Variants in CA8 observed in about 807,000 individuals in gnomAD.
The protein encoded by CA8 is carbonic anhydrase 8 (inactive), also known as carbonic anhydrase-related protein.
A neutral mutation model predicts 41.4 loss-of-function variants in CA8; 22 were observed. The observed-to-expected ratio is 0.53, with a 90% CI of 0.38 to 0.76. The LOEUF (loss-of-function observed/expected upper bound fraction) is 0.76, where lower values mean the gene tolerates loss of function less well. Among genes scored for constraint, CA8 ranks in the 30% least tolerant of loss-of-function variants. The pLI is 0.00. For synonymous variants in CA8, 121 were observed against 130.6 expected (o/e 0.93, Z 0.50); for missense variants, 270 against 352.8 (o/e 0.77, Z 1.88).
At chr8:60,244,034 T>C (rs1166651292) in intron 3 of CA8, among the ~76,000 whole-genome samples, 2 of 152,174 alleles carry the variant, frequency 1.3e-5, no homozygotes, top group East Asian at 3.9e-4. Context: ...TATTTTAAAG[T>C]TAGCATTTAA....
At chr8:60,273,279 G>A (rs1201667825) in intron 2 of CA8, among the ~76,000 whole-genome samples, 1 of 152,238 alleles carries the variant, frequency 6.6e-6, no homozygotes, top group East Asian at 1.9e-4. Flanking sequence ...TATGTCCAGA[G>A]ACTTAAAGAG....
intron 2 of CA8, among the ~76,000 whole-genome samples, chr8:60,273,189 A>G (rs1275896387): frequency 6.6e-6 from 1 of 152,262 alleles, no homozygotes; most frequent in Non-Finnish European, 1.5e-5. Flanking sequence ...AAGAACTAAG[A>G]ATGTCTGAAA....
At chr8:60,208,104 T>C (rs1386697351) in intron 8 of CA8, 1 of 152,388 alleles carries the variant, frequency 6.6e-6, no homozygotes, top group Non-Finnish European at 1.5e-5. Context: ...TCTTCCGTGT[T>C]TGTGATATTT....
At chr8:60,196,365 T>C (rs1056104090) in intron 8 of CA8, among the ~76,000 whole-genome samples, 2 of 152,172 alleles carry the variant, frequency 1.3e-5, no homozygotes, top group Non-Finnish European at 2.9e-5. Context: ...ACTCTTACTA[T>C]ATCCACTTCA....
At chr8:60,250,248 T>C (rs960645649) in intron 3 of CA8, among the ~76,000 whole-genome samples, 3 of 152,068 alleles carry the variant, frequency 2.0e-5, no homozygotes, top group African/African-American at 7.3e-5. Context: ...CTCTGACCTC[T>C]CTTCTGAGTT....
In CA8 at chr8:60,192,894, T is replaced by C. The variant is rs1329182280; in HGVS notation, c.*36-2909A>G. On this transcript the variant is annotated intron_variant, in intron 8 of 8. Coordinates refer to ENST00000317995, the MANE Select transcript of CA8 (RefSeq NM_004056.6). Reference sequence around the variant, plus strand: ...CAGTATTATGTATAAATTTTTCCTATGGAGAATGAAGATTTGACCCTCTTT... The same window carrying C: ...CAGTATTATGTATAAATTTTTCCTACGGAGAATGAAGATTTGACCCTCTTT... Among the ~76,000 whole-genome samples, 9 of 151,080 alleles carry C rather than the reference T, an allele frequency of 6.0e-5. No homozygotes were observed. The Admixed American group carries it at 6.0e-4, about 10-fold the overall frequency.
intron 2 of CA8, among the ~76,000 whole-genome samples, chr8:60,272,752 C>T (rs1585934267): frequency 6.6e-6 from 1 of 152,344 alleles, no homozygotes; most frequent in Middle Eastern, 3.4e-3. Flanking sequence ...TTGTATCCTC[C>T]TTGAGGGCAG....
intron 8 of CA8, among the ~76,000 whole-genome samples, chr8:60,202,937 C>A (rs1047828083): frequency 2.0e-5 from 3 of 152,116 alleles, no homozygotes; most frequent in African/African-American, 7.2e-5. Context: ...AAGTATGTTA[C>A]AAACTTGTTT....
intron 3 of CA8, among the ~76,000 whole-genome samples, chr8:60,257,271 G>C (rs992153124): frequency 2.6e-5 from 4 of 152,008 alleles, no homozygotes; most frequent in African/African-American, 9.7e-5. Context: ...AGCCACTGGC[G>C]CCCAATCCAA....
intron 3 of CA8, among the ~76,000 whole-genome samples, chr8:60,243,111 G>A (rs1187139132): frequency 2.0e-5 from 3 of 152,174 alleles, no homozygotes; most frequent in Admixed American, 6.5e-5. Flanking sequence ...ACGAAATACA[G>A]TGCCAGCTGG....
intron 4 of CA8, among the ~76,000 whole-genome samples, chr8:60,230,014 G>T (rs1256872281): frequency 2.0e-5 from 3 of 152,198 alleles, no homozygotes; most frequent in African/African-American, 7.2e-5. Context: ...TTCCCTCAGT[G>T]ACTGCCAAAT....
chr8:60,193,331 C>G (rs1459447451), intron 8 of CA8, among the ~76,000 whole-genome samples: 1 of 152,174 alleles, frequency 6.6e-6, no homozygotes, highest in Non-Finnish European at 1.5e-5. Context: ...CTGCTCACAT[C>G]TGGACTGACT....
chr8:60,279,763 T>C lies in CA8; in HGVS notation c.218A>G (p.Asn73Ser). Reference sequence around the variant, plus strand: ...TTCACAGTCTCGGCACACCACATAATTTGGGGAGAGGCGGACATCCAACAG... The same window carrying C: ...TTCACAGTCTCGGCACACCACATAACTTGGGGAGAGGCGGACATCCAACAG... Reference protein sequence around the residue: ...PSLLDVRLSPNYVVCRDCEVT... With the variant: ...PSLLDVRLSPSYVVCRDCEVT... Residue 73 changes from asparagine (N) to serine (S), a missense_variant, in exon 2 of 9, where the codon AAT becomes AGT. By Grantham distance (46) the Asn-to-Ser change is conservative. This residue lies in a region of CA8 where 123 missense variants were observed against 136.8 expected (regional missense o/e 0.90). Coordinates refer to ENST00000317995, the MANE Select transcript of CA8 (RefSeq NM_004056.6). 1 of 1,614,144 alleles carries C rather than the reference T, an allele frequency of 6.2e-7. No individual in the cohort carries two copies. The highest frequency in any genetic ancestry group is 1.1e-5 in the South Asian group (1 of 91,078).
At chr8:60,280,207 T>G (rs1272809458) in intron 1 of CA8, among the ~76,000 whole-genome samples, 1 of 152,200 alleles carries the variant, frequency 6.6e-6, no homozygotes, top group African/African-American at 2.4e-5. Flanking sequence ...TTTCTTCTGC[T>G]TATTAGTTCA....
At chr8:60,215,358 T>TATACACAC (rs1554576871) in intron 7 of CA8, among the ~76,000 whole-genome samples, 4 of 144,184 alleles carry the variant, frequency 2.8e-5, no homozygotes, top group Admixed American at 2.8e-4. Context: ...TGTGTGTGTA[T>TATACACAC]ACACACACAC....
At chr8:60,247,138 C>T (rs1808273733) in intron 3 of CA8, among the ~76,000 whole-genome samples, 1 of 152,138 alleles carries the variant, frequency 6.6e-6, no homozygotes, top group Non-Finnish European at 1.5e-5. Flanking sequence ...CCATCTCGGC[C>T]TCCCAAAGTG....
Position 60,186,032 on chromosome 8 carries a change from A to G in CA8, c.*3989T>C, listed in dbSNP as rs1805953893. 6.6e-6 allele frequency among the ~76,000 whole-genome samples: 1 copy of G among 152,160 alleles called. No individual in the cohort carries two copies. Among genetic ancestry groups the G allele is most frequent in the Middle Eastern group, 3.2e-3 (1 of 316 alleles). ...ACACAAAGGAGGTAAATAAGAACAA[A>G]GTAGTACTGGAGTAAGAAATCACAC... is the stretch of plus-strand genomic sequence containing the variant. On this transcript the variant is annotated 3_prime_UTR_variant, in exon 9 of 9. Transcript: ENST00000317995.
chr8:60,203,493 A>T (rs1373436018), intron 8 of CA8, among the ~76,000 whole-genome samples: 2 of 152,164 alleles, frequency 1.3e-5, no homozygotes, highest in African/African-American at 4.8e-5. Context: ...CAGTTTTTCC[A>T]ATTGAAAAAA....
At chr8:60,243,124 C>T (rs1234094100) in intron 3 of CA8, among the ~76,000 whole-genome samples, 1 of 152,286 alleles carries the variant, frequency 6.6e-6, no homozygotes, top group Non-Finnish European at 1.5e-5. Context: ...CCAGCTGGAG[C>T]CGTCCTTAAA....
Sources: gnomAD v4.1 joint callset for allele counts (sites outside exome capture counted in the v4.1 genomes callset) on GRCh38, gnomAD v4.1.1 for gene constraint, gnomAD v4.1.1 regional missense constraint, MANE v1.5 for transcripts, NCBI Gene and HGNC (gene_info 2026-07-23, HGNC 2026-07-21) for gene names.